Variants in PIEZO2 observed in about 807,000 individuals in gnomAD.
PIEZO2 encodes piezo type mechanosensitive ion channel component 2, also known as piezo-type mechanosensitive ion channel component 2.
A neutral mutation model predicts 337.3 loss-of-function variants in PIEZO2; 172 were observed. The ratio of observed to expected loss-of-function variants is 0.51; its 90% confidence interval spans 0.45 to 0.58. PIEZO2 has a LOEUF of 0.58. Ranked by LOEUF, PIEZO2 falls within the 20% of genes least tolerant of loss-of-function variation. The pLI, the probability that PIEZO2 is intolerant of heterozygous loss-of-function variation, is 0.00. For missense variants in PIEZO2, 3,028 were observed against 3,391.3 expected (o/e 0.89, Z 2.66); for synonymous variants, 1,251 against 1,228.5 (o/e 1.02, Z -0.38).
chr18:10,694,707 C>T (rs2035006215), intron 47 of PIEZO2, among the ~76,000 whole-genome samples: 1 of 152,132 alleles, frequency 6.6e-6, no homozygotes, highest in South Asian at 2.1e-4. Context: ...CGGTGATGTG[C>T]ACCTGTATCC....
At chr18:10,921,081 G>T (rs962372081) in intron 3 of PIEZO2, among the ~76,000 whole-genome samples, 6 of 152,094 alleles carry the variant, frequency 3.9e-5, no homozygotes, top group Admixed American at 3.9e-4. Flanking sequence ...CAAAGAATGT[G>T]CATGGAGGAG....
intron 18 of PIEZO2, among the ~76,000 whole-genome samples, chr18:10,779,653 T>G (rs2038909511): frequency 6.6e-6 from 1 of 152,212 alleles, no homozygotes; most frequent in South Asian, 2.1e-4. Context: ...TAGAGATATA[T>G]TTGAAGAAAG....
At chr18:10,692,140 C>T (rs1360792074) in intron 47 of PIEZO2, among the ~76,000 whole-genome samples, 2 of 151,904 alleles carry the variant, frequency 1.3e-5, no homozygotes, top group African/African-American at 4.8e-5. Flanking sequence ...TTGTACAGTT[C>T]AGGACTGCTA....
At chr18:10,756,025 G>A (rs2037828131) in intron 27 of PIEZO2, among the ~76,000 whole-genome samples, 4 of 142,480 alleles carry the variant, frequency 2.8e-5, no homozygotes, top group Admixed American at 2.8e-4. Flanking sequence ...GAGGAGGGAT[G>A]GGGATAAGGA....
At position 10,762,589 on chromosome 18, in the gene PIEZO2, A is replaced by G. The variant is rs1018008868; in HGVS notation, c.3160T>C (p.Leu1054=). ...ENQTNIPFNE[L]NKSLLYSAPI... ...GCGCTGTAGAGCAGAGACTTGTTCA[A>G]CTCATTAAAGGGGATGTTTGTTTGA... The change falls in exon 23 of 56, where the codon TTG becomes CTG. Residue 1054 remains leucine (L), a synonymous_variant. Transcript: ENST00000674853. The G allele has an allele frequency of 1.3e-6, 2 of 1,537,492 alleles. No individual in the cohort carries two copies. Among genetic ancestry groups the G allele is most frequent in the Non-Finnish European group, 1.7e-6 (2 of 1,146,950 alleles).
intron 2 of PIEZO2, among the ~76,000 whole-genome samples, chr18:11,007,445 A>G (rs2035760601): frequency 6.6e-6 from 1 of 152,202 alleles, no homozygotes; most frequent in African/African-American, 2.4e-5. Context: ...TGGAACATTT[A>G]CATTACCCAG....
Position 10,726,979 on chromosome 18 carries a change from C to T in PIEZO2, c.5029+4428G>A. ...TGCAGACAGAGGCCCTGGACAGAAG[C>T]TCCAGATAGGCCCCCAGAACATGAA... On this transcript the variant is annotated intron_variant, in intron 36 of 55. Transcript: ENST00000674853. This position sits in a 1 kb window ranked among gnomAD's most constrained non-coding sequence, Gnocchi z 5.9. 4 of 1,194,408 alleles carry T rather than the reference C, an allele frequency of 3.3e-6. No individual in the cohort carries two copies. The highest frequency in any genetic ancestry group is 3.5e-6 in the Non-Finnish European group (3 of 853,274). 74.0% of individuals were successfully genotyped at this position (1,194,408 alleles called of 1,614,324 possible).
chr18:10,852,527 G>A (rs1005872008), intron 7 of PIEZO2, among the ~76,000 whole-genome samples: 1 of 152,048 alleles, frequency 6.6e-6, no homozygotes, highest in African/African-American at 2.4e-5. Context: ...GTTTTACCAC[G>A]GCCAAATTTT....
chr18:10,967,327 A>G (rs561798045), intron 3 of PIEZO2, among the ~76,000 whole-genome samples: 4 of 151,848 alleles, frequency 2.6e-5, no homozygotes, highest in African/African-American at 9.7e-5. Flanking sequence ...TATATATCAC[A>G]TTTTCTTTAT....
At chr18:10,906,829 G>A (rs2029984528) in intron 4 of PIEZO2, among the ~76,000 whole-genome samples, 2 of 152,078 alleles carry the variant, frequency 1.3e-5, no homozygotes, top group South Asian at 4.1e-4. Context: ...CCAAAGTGCT[G>A]GGATTACAGG....
chr18:10,773,928 T>C lies in PIEZO2; in HGVS notation c.2567+78A>G. ...TTGACATTTTTCCCAGAGGAGAAAATGGTCAGAGTTTAGGGTGTAGAAGCA... is the reference window on the plus strand; with the variant it reads ...TTGACATTTTTCCCAGAGGAGAAAACGGTCAGAGTTTAGGGTGTAGAAGCA... On this transcript the variant is annotated intron_variant, in intron 19 of 55. Transcript: ENST00000674853. The surrounding 1 kb of genome is among the most constrained non-coding windows in gnomAD (Gnocchi z 5.3). 2 of 681,100 alleles carry C rather than the reference T, an allele frequency of 2.9e-6. No homozygotes were observed. The highest frequency in any genetic ancestry group is 5.3e-6 in the Non-Finnish European group (2 of 376,802). The allele number at this position is 681,100 out of a possible 1,614,324, so 42.2% of individuals were successfully genotyped here.
At chr18:10,708,129 T>C (rs2035662598) in intron 40 of PIEZO2, 146 bp downstream of exon 40, 1 of 152,224 alleles carries the variant, frequency 6.6e-6, no homozygotes, top group African/African-American at 2.4e-5. Flanking sequence ...CAGAGGGCAG[T>C]GGTGATTATG....
intron 2 of PIEZO2, among the ~76,000 whole-genome samples, chr18:10,999,393 C>A (rs1041317637): frequency 6.6e-6 from 1 of 152,064 alleles, no homozygotes; most frequent in Non-Finnish European, 1.5e-5. Context: ...GTAGATTCAA[C>A]CAACCATGGA....
intron 3 of PIEZO2, among the ~76,000 whole-genome samples, chr18:10,921,568 A>G (rs560265931): frequency 8.5e-5 from 13 of 152,218 alleles, no homozygotes; most frequent in Non-Finnish European, 2.9e-5. Context: ...ACCCTGTGAT[A>G]ATTGCACTAA....
intron 3 of PIEZO2, among the ~76,000 whole-genome samples, chr18:10,912,429 T>C (rs1301131921): frequency 6.6e-6 from 1 of 152,198 alleles, no homozygotes; most frequent in Non-Finnish European, 1.5e-5. Context: ...AATTCATAAA[T>C]TGTGTTGTGC....
At chr18:10,745,270 C>T (rs562798179) in intron 30 of PIEZO2, among the ~76,000 whole-genome samples, 5 of 152,316 alleles carry the variant, frequency 3.3e-5, no homozygotes, top group African/African-American at 1.2e-4. Flanking sequence ...GCTTCTTCCT[C>T]TCTTCTTGCA....
Position 10,888,333 on chromosome 18 carries a change from C to T in PIEZO2, c.330-16918G>A, listed in dbSNP as rs1016746035. Among the ~76,000 whole-genome samples, 6 of 152,236 alleles carry T rather than the reference C, an allele frequency of 3.9e-5. No homozygotes were observed. Among genetic ancestry groups the T allele is most frequent in the Non-Finnish European group, 7.4e-5 (5 of 68,008 alleles). On this transcript the variant is annotated intron_variant, in intron 4 of 55. Transcript: ENST00000674853. This position sits in a 1 kb window ranked among gnomAD's most constrained non-coding sequence, Gnocchi z 4.1. ...TCCACGCTGGCTCCTGGGAAATGTC[C>T]TTGTCATTCACTGTGCATTCTTCTA... is the stretch of plus-strand genomic sequence containing the variant.
chr18:11,018,417 G>GTGTGTGTT, intron 2 of PIEZO2, among the ~76,000 whole-genome samples: 1 of 150,802 alleles, frequency 6.6e-6, no homozygotes, highest in African/African-American at 2.4e-5. Flanking sequence ...GTGTGTGTGT[G>GTGTGTGTT]TGTGTGTGTG....
At chr18:10,914,164 C>G (rs946893451) in intron 3 of PIEZO2, among the ~76,000 whole-genome samples, 6 of 152,170 alleles carry the variant, frequency 3.9e-5, no homozygotes, top group African/African-American at 1.4e-4. Context: ...TTCGCCAAAG[C>G]AGTCCAACAC....
Sources: allele counts gnomAD v4.1 joint callset (sites outside exome capture counted in the v4.1 genomes callset), GRCh38; gene constraint gnomAD v4.1.1; non-coding constraint Gnocchi (gnomAD v3.1); transcripts MANE v1.5; gene names NCBI Gene and HGNC (gene_info 2026-07-23, HGNC 2026-07-21).